DAB1: variants seen among roughly 807,000 people sequenced by gnomAD.
The protein encoded by DAB1 is disabled homolog 1.
In DAB1, 15 loss-of-function variants were observed where a neutral mutation model predicts 64.6. That is an observed-to-expected ratio of 0.23 (90% CI 0.16 to 0.36). DAB1 has a LOEUF of 0.36. DAB1 is among the 10% of genes least tolerant of loss of function. The pLI, the probability that DAB1 is intolerant of heterozygous loss-of-function variation, is 1.00. For synonymous variants in DAB1, 235 were observed against 251.9 expected (o/e 0.93, Z 0.64); for missense variants, 596 against 706.7 (o/e 0.84, Z 1.78).
chr1:57,877,488 T>C (rs1644066141), intron 1 of DAB1, among the ~76,000 whole-genome samples: 1 of 152,058 alleles, frequency 6.6e-6, no homozygotes, highest in Non-Finnish European at 1.5e-5. Flanking sequence ...CCTGAGTCAG[T>C]CCTAGTCCAA....
At chr1:57,392,939 T>C (rs1402731514) in intron 1 of DAB1, among the ~76,000 whole-genome samples, 3 of 152,212 alleles carry the variant, frequency 2.0e-5, no homozygotes, top group Non-Finnish European at 2.9e-5. Flanking sequence ...CAGTATCATA[T>C]TGGGAGGAAA....
At chr1:57,571,927 T>C (rs770514782) in intron 7 of DAB1, among the ~76,000 whole-genome samples, 7 of 152,140 alleles carry the variant, frequency 4.6e-5, no homozygotes, top group African/African-American at 4.8e-5. Flanking sequence ...CATGGGGTGA[T>C]CTGGAGAACC....
chr1:57,078,577 C>A (rs1233873747), intron 4 of DAB1, among the ~76,000 whole-genome samples: 2 of 152,176 alleles, frequency 1.3e-5, no homozygotes. Context: ...TCTTGGGCTA[C>A]TGGTCTGCTA....
At chr1:57,748,538 A>G (rs1440740220) in intron 6 of DAB1, among the ~76,000 whole-genome samples, 2 of 151,952 alleles carry the variant, frequency 1.3e-5, no homozygotes, top group East Asian at 1.9e-4. Flanking sequence ...ATTGGATATC[A>G]CTAGTGTTGT....
At chr1:57,116,211 C>T (rs995369290) in intron 4 of DAB1, among the ~76,000 whole-genome samples, 1 of 151,272 alleles carries the variant, frequency 6.6e-6, no homozygotes, top group African/African-American at 2.4e-5. Flanking sequence ...ACCCTGTAAT[C>T]CCAGCACTTT....
intron 5 of DAB1, among the ~76,000 whole-genome samples, chr1:58,057,954 T>C (rs1348105872): frequency 1.3e-5 from 2 of 150,150 alleles, no homozygotes; most frequent in African/African-American, 4.9e-5. Flanking sequence ...TCCCTGACCA[T>C]CCAAGTCTAG....
At chr1:57,640,022 G>T (rs902272996) in intron 7 of DAB1, among the ~76,000 whole-genome samples, 1 of 152,144 alleles carries the variant, frequency 6.6e-6, no homozygotes, top group Non-Finnish European at 1.5e-5. Context: ...TGGTTTCAGC[G>T]GTTCCATCAA....
At chr1:57,640,895 A>G (rs1206892587) in intron 7 of DAB1, among the ~76,000 whole-genome samples, 1 of 152,156 alleles carries the variant, frequency 6.6e-6, no homozygotes, top group Admixed American at 6.5e-5. Context: ...TTTTTCCTGA[A>G]TGCACTTATA....
intron 6 of DAB1, among the ~76,000 whole-genome samples, chr1:57,763,954 T>A (rs886349756): frequency 6.6e-6 from 1 of 152,196 alleles, no homozygotes; most frequent in Non-Finnish European, 1.5e-5. Flanking sequence ...CTACAAATAG[T>A]TTGTCTATCA....
At chr1:57,702,650 A>C (rs556088313) in intron 6 of DAB1, among the ~76,000 whole-genome samples, 1 of 152,292 alleles carries the variant, frequency 6.6e-6, no homozygotes, top group South Asian at 2.1e-4. Flanking sequence ...TCATTTCGGT[A>C]TCATCAGAAT....
intron 4 of DAB1, among the ~76,000 whole-genome samples, chr1:58,182,277 G>A (rs1197645529): frequency 6.6e-6 from 1 of 151,970 alleles, no homozygotes; most frequent in African/African-American, 2.4e-5. Flanking sequence ...GTGTGTGTGT[G>A]TGTTTATCCT....
intron 5 of DAB1, among the ~76,000 whole-genome samples, chr1:57,906,701 G>T (rs559756890): frequency 6.6e-6 from 1 of 152,122 alleles, no homozygotes; most frequent in Non-Finnish European, 1.5e-5. Flanking sequence ...GAAGATGAGG[G>T]AAGAGGGTAC....
rs566539316 is a variant in DAB1 at position 58,137,480 on chromosome 1, A to C, written n.387+13031T>G. Reference sequence around the variant, plus strand: ...CATCTATCCATCCATTTATCCATTCACCCTCCATCTATCTACCCTCCATCT... The same window carrying C: ...CATCTATCCATCCATTTATCCATTCCCCCTCCATCTATCTACCCTCCATCT... On this transcript the variant is annotated intron_variant and non_coding_transcript_variant, in intron 5 of 20. Coordinates refer to the DAB1 transcript ENST00000485760. 2.0e-5 allele frequency among the ~76,000 whole-genome samples: 3 copies of C among 151,802 alleles called. No individual in the cohort carries two copies. The East Asian group carries it at 5.8e-4, about 29-fold the overall frequency.
intron 3 of DAB1, among the ~76,000 whole-genome samples, chr1:58,489,132 A>C (rs1442995458): frequency 6.6e-6 from 1 of 152,188 alleles, no homozygotes; most frequent in Non-Finnish European, 1.5e-5. Context: ...CGTGAGCCGA[A>C]GTAGGGCAAG....
intron 7 of DAB1, among the ~76,000 whole-genome samples, chr1:57,549,736 T>C (rs967570652): frequency 6.6e-6 from 1 of 152,190 alleles, no homozygotes; most frequent in Admixed American, 6.5e-5. Context: ...TCAGCATGAA[T>C]GAGAGCAAGA....
intron 9 of DAB1, among the ~76,000 whole-genome samples, chr1:57,045,033 A>G (rs1435988730): frequency 1.3e-5 from 2 of 152,194 alleles, no homozygotes; most frequent in African/African-American, 4.8e-5. Flanking sequence ...GGTTTAATTA[A>G]CTTGCCCAGG....
At chr1:57,011,398 G>A in intron 12 of DAB1, 126 bp from the exon 13 acceptor site, 1 of 1,119,924 alleles carries the variant, frequency 8.9e-7, no homozygotes, top group African/African-American at 1.6e-5. Context: ...TATTTCCAGT[G>A]GAATCAGTTG....
At chr1:57,693,330 G>C (rs559365632) in intron 6 of DAB1, among the ~76,000 whole-genome samples, 72 of 152,280 alleles carry the variant, frequency 4.7e-4, no homozygotes, top group African/African-American at 1.7e-3. Context: ...TGGGGATTTA[G>C]AGAACTTTTC....
intron 7 of DAB1, among the ~76,000 whole-genome samples, chr1:57,471,251 AATG>A (rs1310540331): frequency 2.0e-5 from 3 of 152,212 alleles, no homozygotes; most frequent in Non-Finnish European, 4.4e-5. Context: ...ACCTATCTGA[AATG>A]ATGATGACAA....
Sources: gnomAD v4.1 joint callset for allele counts (sites outside exome capture counted in the v4.1 genomes callset) on GRCh38, gnomAD v4.1.1 for gene constraint, MANE v1.5 for transcripts, NCBI Gene and HGNC (gene_info 2026-07-23, HGNC 2026-07-21) for gene names.